UTRN: variants seen among roughly 807,000 people sequenced by gnomAD.
The protein encoded by UTRN is dystrophin-related protein 1.
A neutral mutation model predicts 463.9 loss-of-function variants in UTRN; 283 were observed. The observed-to-expected ratio is 0.61, with a 90% confidence interval of 0.55 to 0.67. UTRN has a LOEUF of 0.67. Among genes scored for constraint, UTRN ranks in the 30% least tolerant of loss-of-function variants. The pLI, the probability that UTRN is intolerant of heterozygous loss-of-function variation, is 0.00. For synonymous variants in UTRN, 1,442 were observed against 1,431.5 expected, an observed-to-expected ratio of 1.01 and a Z score of -0.17; for missense variants, 3,922 against 4,084.3, an observed-to-expected ratio of 0.96 and a Z score of 1.08.
At chr6:144,596,477 T>C (rs948581979) in intron 51 of UTRN, among the ~76,000 whole-genome samples, 2 of 152,166 alleles carry the variant, frequency 1.3e-5, no homozygotes, top group Non-Finnish European at 2.9e-5. Flanking sequence ...TCCTATAGGA[T>C]TAATTAGTAG....
chr6:144,465,889 AT>A (rs1451260224), intron 23 of UTRN, among the ~76,000 whole-genome samples: 1 of 152,224 alleles, frequency 6.6e-6, no homozygotes, highest in Non-Finnish European at 1.5e-5. Context: ...TAGGAACAAA[AT>A]AGTTAACTCG....
intron 51 of UTRN, among the ~76,000 whole-genome samples, chr6:144,665,924 TGC>T (rs1487320786): frequency 2.0e-5 from 3 of 152,216 alleles, no homozygotes; most frequent in Non-Finnish European, 4.4e-5. Flanking sequence ...TTGAATATCT[TGC>T]CATGGCCCCT....
At chr6:144,287,048 C>T (rs1471751820) in intron 1 of UTRN, among the ~76,000 whole-genome samples, 1 of 152,066 alleles carries the variant, frequency 6.6e-6, no homozygotes, top group Non-Finnish European at 1.5e-5. Flanking sequence ...CGGGCGGCAG[C>T]GACCGCATCC....
intron 13 of UTRN, among the ~76,000 whole-genome samples, chr6:144,442,091 G>A (rs928657969): frequency 1.2e-4 from 19 of 152,246 alleles, no homozygotes; most frequent in Middle Eastern, 3.4e-3. Flanking sequence ...GATGTTTTCC[G>A]CATTGTCTTG....
chr6:144,816,222 G>A (rs1779064137), intron 65 of UTRN, among the ~76,000 whole-genome samples: 1 of 152,174 alleles, frequency 6.6e-6, no homozygotes, highest in African/African-American at 2.4e-5. Context: ...TAGGGAAATG[G>A]CAGGTGTGGA....
rs777325453 is a variant in UTRN at position 144,839,184 on chromosome 6, T to C, written c.10077T>C (p.Asp3359=). The change falls in exon 72 of 75, where the codon GAT becomes GAC. Residue 3359 remains aspartate (D), a synonymous_variant. Coordinates refer to ENST00000367545, the MANE Select transcript of UTRN (RefSeq NM_007124.3). The part of the protein sequence containing the change: ...LRQLLEQPES[D]SRINGVSPWA... Reference sequence around the variant, plus strand: ...GAATGTGGTTCCAGCCTGAATCTGATTCCCGAATCAATGGTGTTTCCCCAT... The same window carrying C: ...GAATGTGGTTCCAGCCTGAATCTGACTCCCGAATCAATGGTGTTTCCCCAT... 5 of 1,614,044 alleles carry C rather than the reference T, an allele frequency of 3.1e-6. No individual in the cohort carries two copies. Among genetic ancestry groups the C allele is most frequent in the East Asian group, 4.5e-5 (2 of 44,874 alleles).
At chr6:144,780,400 AG>A (rs1368386718) in intron 60 of UTRN, among the ~76,000 whole-genome samples, 1 of 152,136 alleles carries the variant, frequency 6.6e-6, no homozygotes, top group Non-Finnish European at 1.5e-5. Context: ...AAATAAGATT[AG>A]AGTTCTTCTA....
Position 144,774,307 on chromosome 6 carries a change from C to T in UTRN, c.8575C>T (p.Arg2859Cys), listed in dbSNP as rs748581554. 5.6e-5 allele frequency: 89 copies of T among 1,602,658 alleles called. No homozygotes were observed. The highest frequency in any genetic ancestry group is 7.2e-5 in the Non-Finnish European group (85 of 1,176,604). Residue 2859 changes from arginine to cysteine, a missense_variant, in exon 60 of 75, where the codon CGT becomes TGT. By Grantham distance (180) the Arg-to-Cys change is radical. Transcript: ENST00000367545. Reference sequence around the variant, plus strand: ...TATTTCAGCTGACCTGAATAATGTACGTTTTTCTGCCTACCGTACAGCAAT... The same window carrying T: ...TATTTCAGCTGACCTGAATAATGTATGTTTTTCTGCCTACCGTACAGCAAT... Reference protein sequence around the residue: ...FQSLADLNNVRFSAYRTAIKI... With the variant: ...FQSLADLNNVCFSAYRTAIKI...
At chr6:144,810,158 C>G (rs929824275) in intron 65 of UTRN, among the ~76,000 whole-genome samples, 52 of 152,198 alleles carry the variant, frequency 3.4e-4, no homozygotes, top group African/African-American at 1.3e-3. Context: ...TTCTTCCCTC[C>G]AGGAATAAGG....
At chr6:144,605,421 G>A (rs771252485) in intron 51 of UTRN, among the ~76,000 whole-genome samples, 2 of 151,876 alleles carry the variant, frequency 1.3e-5, no homozygotes, top group African/African-American at 2.4e-5. Context: ...GCTAGGCAGG[G>A]CATTGATAAT....
At chr6:144,416,256 G>C (rs761041609) in intron 3 of UTRN, among the ~76,000 whole-genome samples, 22 of 152,150 alleles carry the variant, frequency 1.4e-4, no homozygotes, top group Non-Finnish European at 2.4e-4. Context: ...AGTGTTTTAG[G>C]AAATTACAGT....
intron 39 of UTRN, 60 bp downstream of exon 39, chr6:144,517,008 G>C (rs1178927994): frequency 7.5e-7 from 1 of 1,339,390 alleles, no homozygotes; most frequent in African/African-American, 1.5e-5. Flanking sequence ...TTGCCATTCA[G>C]ATGTGTGATG....
chr6:144,626,104 A>G (rs756519645), intron 51 of UTRN, among the ~76,000 whole-genome samples: 1 of 152,188 alleles, frequency 6.6e-6, no homozygotes, highest in African/African-American at 2.4e-5. Context: ...ATGGACTTGT[A>G]TAGTTATTAA....
intron 69 of UTRN, among the ~76,000 whole-genome samples, chr6:144,830,631 G>A (rs1048420571): frequency 2.0e-5 from 3 of 152,098 alleles, no homozygotes; most frequent in African/African-American, 7.2e-5. Flanking sequence ...GCCACATGTG[G>A]CCCAGGACAG....
intron 9 of UTRN, among the ~76,000 whole-genome samples, chr6:144,430,992 C>G (rs1584754384): frequency 1.3e-5 from 2 of 152,064 alleles, no homozygotes; most frequent in Non-Finnish European, 2.9e-5. Flanking sequence ...ACCCAGGGCT[C>G]TCTTTTGTAG....
intron 19 of UTRN, among the ~76,000 whole-genome samples, chr6:144,457,885 G>T (rs1789024513): frequency 6.6e-6 from 1 of 152,150 alleles, no homozygotes; most frequent in South Asian, 2.1e-4. Context: ...CAATAAAAAT[G>T]TGAAGCCATC....
intron 44 of UTRN, among the ~76,000 whole-genome samples, chr6:144,538,247 A>G (rs1487230012): frequency 1.3e-5 from 2 of 152,202 alleles, no homozygotes; most frequent in Non-Finnish European, 2.9e-5. Flanking sequence ...AAATTCATAC[A>G]TATATAGATG....
intron 2 of UTRN, among the ~76,000 whole-genome samples, chr6:144,347,850 GT>G (rs1340536493): frequency 8.6e-5 from 11 of 128,596 alleles, no homozygotes; most frequent in Non-Finnish European, 9.6e-5. Context: ...TTTTTTTTTT[GT>G]TTTTTTTTTT....
chr6:144,624,445 C>T lies in UTRN; in HGVS notation c.7479+47157C>T, dbSNP rs186880907. The stretch of plus-strand genomic sequence containing the variant: ...CAACAACCGAAGAATGGAAATGTCA[C>T]TGAAAATGGAAAAGCAGAAGTAGAT... On this transcript the variant is annotated intron_variant, in intron 51 of 74. Coordinates refer to ENST00000367545, the MANE Select transcript of UTRN (RefSeq NM_007124.3). Among the ~76,000 whole-genome samples, 14 of 152,252 alleles carry T rather than the reference C, an allele frequency of 9.2e-5. No homozygotes were observed. The East Asian group carries it at 2.7e-3, about 29-fold the overall frequency.
Sources: gnomAD v4.1 joint callset for allele counts (sites outside exome capture counted in the v4.1 genomes callset) on GRCh38, gnomAD v4.1.1 for gene constraint, MANE v1.5 for transcripts, NCBI Gene and HGNC (gene_info 2026-07-23, HGNC 2026-07-21) for gene names.